Variants in GLIS1 observed in about 807,000 individuals in gnomAD.
GLIS1 encodes the protein zinc finger protein GLIS1.
A neutral mutation model predicts 63.8 loss-of-function variants in GLIS1; 24 were observed. The ratio of observed to expected loss-of-function variants is 0.38; its 90% CI spans 0.27 to 0.53. GLIS1 has a LOEUF of 0.53. GLIS1 is among the 20% of genes least tolerant of loss of function. GLIS1 has a pLI of 0.85. For missense variants in GLIS1, 1,036 were observed against 1,074.1 expected (o/e 0.96, Z 0.50); for synonymous variants, 450 against 482.5 (o/e 0.93, Z 0.88).
At chr1:53,661,445 T>C (rs1646027233) in intron 2 of GLIS1, among the ~76,000 whole-genome samples, 1 of 152,160 alleles carries the variant, frequency 6.6e-6, no homozygotes, top group African/African-American at 2.4e-5. Context: ...AAAAGCCTAA[T>C]TGGTTTTTAT....
At chr1:53,616,224 A>C (rs1458380721) in intron 2 of GLIS1, among the ~76,000 whole-genome samples, 1 of 152,152 alleles carries the variant, frequency 6.6e-6, no homozygotes, top group African/African-American at 2.4e-5. Flanking sequence ...GCCCGGCCTA[A>C]ATTTTCAGGG....
At chr1:53,593,192 G>A (rs1188690291) in intron 4 of GLIS1, among the ~76,000 whole-genome samples, 2 of 152,232 alleles carry the variant, frequency 1.3e-5, no homozygotes, top group Non-Finnish European at 2.9e-5. Context: ...AGTGGCCCTG[G>A]TGGCCCATGC....
At chr1:53,591,099 A>T (rs953676441) in intron 4 of GLIS1, among the ~76,000 whole-genome samples, 1 of 152,362 alleles carries the variant, frequency 6.6e-6, no homozygotes, top group Admixed American at 6.5e-5. Flanking sequence ...AAAATGTCTC[A>T]TCTATTTCCT....
At chr1:53,737,191 G>A (rs1646920465) in intron 2 of GLIS1, among the ~76,000 whole-genome samples, 1 of 152,226 alleles carries the variant, frequency 6.6e-6, no homozygotes, top group Admixed American at 6.5e-5. Flanking sequence ...CAGCTTCACT[G>A]GGGGACGAAG....
At chr1:53,698,603 G>A (rs1646491094) in intron 2 of GLIS1, among the ~76,000 whole-genome samples, 1 of 152,204 alleles carries the variant, frequency 6.6e-6, no homozygotes, top group Admixed American at 6.5e-5. Context: ...CCAGCCCTTG[G>A]CCAAGCCAGG....
At chr1:53,527,053 C>T (rs1644478099) in intron 5 of GLIS1, among the ~76,000 whole-genome samples, 1 of 152,226 alleles carries the variant, frequency 6.6e-6, no homozygotes, top group Non-Finnish European at 1.5e-5. Flanking sequence ...TGAGCACCAG[C>T]CATCCGCCAT....
At chr1:53,679,648 A>G (rs1413597414) in intron 2 of GLIS1, among the ~76,000 whole-genome samples, 1 of 152,192 alleles carries the variant, frequency 6.6e-6, no homozygotes, top group African/African-American at 2.4e-5. Context: ...CCACAGAACC[A>G]CAGAGATGAG....
rs757657556 is a variant in GLIS1 at position 53,509,193 on chromosome 1, G to A, written c.2157C>T (p.Val719=). 14 of 1,600,178 alleles carry A rather than the reference G, an allele frequency of 8.7e-6. No homozygotes were observed. Among genetic ancestry groups the A allele is most frequent in the Middle Eastern group, 1.8e-4 (1 of 5,610 alleles). The change falls in exon 10 of 11, where the codon GTC becomes GTT. Residue 719 remains valine (V), a synonymous_variant. Coordinates refer to ENST00000628545, the MANE Select transcript of GLIS1 (RefSeq NM_001367484.1). ...GGGGGTTGAAACCGTGGGTCTCCCCGACCAGTCCGTCCCCACCGGCTGCTG... is the reference window on the plus strand; with the variant it reads ...GGGGGTTGAAACCGTGGGTCTCCCCAACCAGTCCGTCCCCACCGGCTGCTG... ...AEPAAGGDGL[V]GETHGFNPLR...
chr1:53,510,807 C>A (rs1217061547), intron 8 of GLIS1, among the ~76,000 whole-genome samples: 1 of 152,188 alleles, frequency 6.6e-6, no homozygotes, highest in Non-Finnish European at 1.5e-5. Flanking sequence ...AGGAACCTTC[C>A]GTTTCCAGCC....
At chr1:53,643,450 G>A (rs943411858) in intron 2 of GLIS1, among the ~76,000 whole-genome samples, 1 of 152,172 alleles carries the variant, frequency 6.6e-6, no homozygotes, top group Non-Finnish European at 1.5e-5. Context: ...CCTGGTTCTA[G>A]TTCAGACTCC....
intron 2 of GLIS1, among the ~76,000 whole-genome samples, chr1:53,620,186 T>C (rs531498723): frequency 2.0e-5 from 3 of 152,352 alleles, no homozygotes; most frequent in Admixed American, 6.5e-5. Flanking sequence ...AAAGCTCTCC[T>C]AGGCTGCTGG....
intron 2 of GLIS1, among the ~76,000 whole-genome samples, chr1:53,613,190 T>C (rs929101613): frequency 2.0e-5 from 3 of 152,262 alleles, no homozygotes; most frequent in Non-Finnish European, 4.4e-5. Context: ...TAATTTGCTA[T>C]AGCAGATGCA....
At chr1:53,562,584 G>C (rs556963366) in intron 4 of GLIS1, among the ~76,000 whole-genome samples, 14 of 152,186 alleles carry the variant, frequency 9.2e-5, no homozygotes, top group African/African-American at 3.4e-4. Context: ...CTGAGTCCCA[G>C]CCCACACTCC....
intron 2 of GLIS1, among the ~76,000 whole-genome samples, chr1:53,699,581 T>G (rs1646502196): frequency 6.6e-6 from 1 of 152,156 alleles, no homozygotes; most frequent in Admixed American, 6.5e-5. Flanking sequence ...CACTCAAAAG[T>G]TTTGGATTTT....
intron 3 of GLIS1, 88 bp downstream of exon 3, chr1:53,600,013 C>A: frequency 1.4e-6 from 1 of 730,972 alleles, no homozygotes; most frequent in Non-Finnish European, 1.9e-6. Flanking sequence ...CCATGTGTCC[C>A]CCCAGCTAAA....
intron 2 of GLIS1, among the ~76,000 whole-genome samples, chr1:53,631,940 G>A (rs891055172): frequency 6.6e-6 from 1 of 151,558 alleles, no homozygotes; most frequent in Non-Finnish European, 1.5e-5. Flanking sequence ...AGGAGAGACA[G>A]GGGAATAAAA....
rs1175702785 is a variant in GLIS1, at chr1:53,724,805, C to T, written c.259+13001G>A. On this transcript the variant is annotated intron_variant, in intron 2 of 10. Coordinates refer to ENST00000628545, the MANE Select transcript of GLIS1 (RefSeq NM_001367484.1). ...CCTCCTGTCTCAGCCTCACCACTAG[C>T]TGGGACTACAGGTGCATGGCTGTTA... Among the ~76,000 whole-genome samples the T allele has an allele frequency of 3.3e-5, 5 of 152,208 alleles. No individual in the cohort carries two copies. In the East Asian group the frequency reaches 9.6e-4, roughly 29 times the overall value.
At chr1:53,677,671 C>T (rs1360464253) in intron 2 of GLIS1, among the ~76,000 whole-genome samples, 1 of 152,270 alleles carries the variant, frequency 6.6e-6, no homozygotes, top group Admixed American at 6.5e-5. Context: ...GGCCCCAGTC[C>T]GATTGGACCC....
intron 4 of GLIS1, among the ~76,000 whole-genome samples, chr1:53,590,072 T>C (rs981639571): frequency 2.6e-5 from 4 of 152,182 alleles, no homozygotes; most frequent in Non-Finnish European, 5.9e-5. Context: ...CAGCTGTAAA[T>C]AACCCTGCCC....
Sources: gnomAD v4.1 joint callset for allele counts (sites outside exome capture counted in the v4.1 genomes callset) on GRCh38, gnomAD v4.1.1 for gene constraint, MANE v1.5 for transcripts, NCBI Gene and HGNC (gene_info 2026-07-23, HGNC 2026-07-21) for gene names.